The following SORCS1 variants were observed in gnomAD, a reference collection of about 807,000 sequenced individuals.
SORCS1 encodes sortilin related VPS10 domain containing receptor 1, also known as VPS10 domain-containing receptor SorCS1.
Under a neutral mutation model 146.1 loss-of-function variants are expected in SORCS1, and 60 were observed. The observed-to-expected ratio is 0.41, with a 90% CI of 0.33 to 0.51. The LOEUF is 0.51. SORCS1 is among the 20% of genes least tolerant of loss of function. The pLI, the probability that SORCS1 is intolerant of heterozygous loss-of-function variation, is 0.21. For synonymous variants in SORCS1, 637 were observed against 584.0 expected, an observed-to-expected ratio of 1.09 and a Z score of -1.31; for missense variants, 1,352 against 1,487.6, an observed-to-expected ratio of 0.91 and a Z score of 1.50.
intron 2 of SORCS1, among the ~76,000 whole-genome samples, chr10:106,910,443 C>A (rs1278632390): frequency 2.0e-5 from 3 of 152,126 alleles, no homozygotes; most frequent in Non-Finnish European, 4.4e-5. Context: ...AGGTGCTCAT[C>A]TGGCACCTGG....
rs1852652308 is a variant in SORCS1 at position 106,684,262 on chromosome 10, CA to C, written c.1560+3929del. Among the ~76,000 whole-genome samples, 3 of 152,148 alleles carry C rather than the reference CA, an allele frequency of 2.0e-5. No individual in the cohort carries two copies. In the South Asian group the frequency reaches 6.2e-4, roughly 32 times the overall value. ...CCAAGGCAGGAGAATCACTTGAATC[CA>C]GGAGGCAGAGGTTGCAGTGAGCCGA... On this transcript the variant is annotated intron_variant, in intron 10 of 25. Coordinates refer to ENST00000263054, the MANE Select transcript of SORCS1 (RefSeq NM_052918.5).
intron 8 of SORCS1, among the ~76,000 whole-genome samples, chr10:106,705,275 G>A (rs1289027322): frequency 6.6e-6 from 1 of 152,176 alleles, no homozygotes; most frequent in African/African-American, 2.4e-5. Context: ...AACTCAGTGT[G>A]TGTTATTACC....
chr10:106,702,768 G>A (rs190074472), intron 8 of SORCS1, among the ~76,000 whole-genome samples: 25 of 152,038 alleles, frequency 1.6e-4, no homozygotes, highest in African/African-American at 5.3e-4. Flanking sequence ...GGAGAAATGC[G>A]CTTTTTCTCC....
chr10:107,008,615 G>C (rs907842101), intron 1 of SORCS1, among the ~76,000 whole-genome samples: 9 of 152,290 alleles, frequency 5.9e-5, no homozygotes, highest in Admixed American at 3.3e-4. Context: ...TTTCAGAGAT[G>C]GAGCTAAGAA....
intron 21 of SORCS1, among the ~76,000 whole-genome samples, chr10:106,615,103 T>C (rs1761134297): frequency 6.6e-6 from 1 of 152,204 alleles, no homozygotes; most frequent in African/African-American, 2.4e-5. Context: ...TTTCTGTTTC[T>C]TCCTGACTGT....
Position 106,853,943 on chromosome 10 carries a change from T to C in SORCS1, c.627-24270A>G, listed in dbSNP as rs562451015. 1.3e-4 allele frequency among the ~76,000 whole-genome samples: 20 copies of C among 152,136 alleles called. No homozygotes were observed. In the South Asian group the frequency reaches 3.7e-3, roughly 28 times the overall value. Reference sequence around the variant, plus strand: ...TGTAATCTGTTGGTGTTAGGTGATATTGTCTAGAGATATCAATTTTACCCT... The same window carrying C: ...TGTAATCTGTTGGTGTTAGGTGATACTGTCTAGAGATATCAATTTTACCCT... On this transcript the variant is annotated intron_variant, in intron 2 of 25. Transcript: ENST00000263054.
At chr10:106,753,735 G>A (rs1858432536) in intron 5 of SORCS1, among the ~76,000 whole-genome samples, 3 of 151,796 alleles carry the variant, frequency 2.0e-5, no homozygotes, top group Non-Finnish European at 4.4e-5. Context: ...CAGTGGATAT[G>A]GATAAAGTAT....
At chr10:107,017,043 C>G (rs1395669010) in intron 1 of SORCS1, among the ~76,000 whole-genome samples, 1 of 152,222 alleles carries the variant, frequency 6.6e-6, no homozygotes, top group African/African-American at 2.4e-5. Context: ...CACTGGAACT[C>G]TCCTACATGG....
chr10:107,145,625 C>T lies in SORCS1; in HGVS notation c.558+18344G>A, dbSNP rs191484705. On this transcript the variant is annotated intron_variant, in intron 1 of 25. Transcript: ENST00000263054. ...AAGCAGGTCTAAAAATAATAAAGTC[C>T]ATTAAAAATACAAACAAGTTGGCTA... Among the ~76,000 whole-genome samples the T allele has an allele frequency of 1.8e-4, 28 of 152,198 alleles. No individual in the cohort carries two copies. The East Asian group carries it at 4.4e-3, about 24-fold the overall frequency.
At chr10:106,958,890 C>G (rs1955090694) in intron 1 of SORCS1, among the ~76,000 whole-genome samples, 1 of 152,212 alleles carries the variant, frequency 6.6e-6, no homozygotes, top group African/African-American at 2.4e-5. Flanking sequence ...GATGTTCCTA[C>G]TCCACCTCAG....
intron 18 of SORCS1, among the ~76,000 whole-genome samples, chr10:106,637,694 C>T (rs1848809345): frequency 6.6e-6 from 1 of 152,136 alleles, no homozygotes. Context: ...AATCATCTGC[C>T]TAGATTTATG....
In SORCS1 at chr10:106,667,871, T is replaced by C. The variant is rs1851287064; in HGVS notation, c.2190-69A>G. 7.5e-6 allele frequency: 8 copies of C among 1,063,088 alleles called. No individual in the cohort carries two copies. In the South Asian group the frequency reaches 1.1e-4, roughly 14 times the overall value. 65.9% of individuals were successfully genotyped at this position (1,063,088 alleles called of 1,614,324 possible). ...ATTACTGAAAACAATTCTACATCAG[T>C]CCACAGCCAAGTTCCACACTAATCA... On this transcript the variant is annotated intron_variant, in intron 16 of 25. Transcript: ENST00000263054.
In SORCS1 at chr10:106,998,751, T is replaced by G. The variant is rs538426656; in HGVS notation, c.559-42171A>C. 8.5e-5 allele frequency among the ~76,000 whole-genome samples: 13 copies of G among 152,310 alleles called. No individual in the cohort carries two copies. In the South Asian group the frequency reaches 2.7e-3, roughly 32 times the overall value. On this transcript the variant is annotated intron_variant, in intron 1 of 25. Coordinates refer to ENST00000263054, the MANE Select transcript of SORCS1 (RefSeq NM_052918.5). Reference sequence around the variant, plus strand: ...CCACATACACACACCAATACCTCATTTTAAAAAACTGGTGGTTATATCTCC... The same window carrying G: ...CCACATACACACACCAATACCTCATGTTAAAAAACTGGTGGTTATATCTCC...
chr10:106,623,873 G>A (rs1214094618), intron 19 of SORCS1, among the ~76,000 whole-genome samples: 1 of 150,236 alleles, frequency 6.7e-6, no homozygotes, highest in African/African-American at 2.4e-5. Context: ...TAGTAGGTAC[G>A]GACTTTCACC....
intron 2 of SORCS1, among the ~76,000 whole-genome samples, chr10:106,834,399 A>G (rs778575727): frequency 6.6e-6 from 1 of 152,244 alleles, no homozygotes; most frequent in Non-Finnish European, 1.5e-5. Context: ...TTCACAAACT[A>G]TATTATTCTA....
intron 1 of SORCS1, among the ~76,000 whole-genome samples, chr10:106,972,705 G>C (rs1955838096): frequency 6.6e-6 from 1 of 152,000 alleles, no homozygotes; most frequent in Non-Finnish European, 1.5e-5. Flanking sequence ...CAAGCTGAAA[G>C]GTTTGAGTTG....
chr10:107,035,076 A>G (rs1958836350), intron 1 of SORCS1, among the ~76,000 whole-genome samples: 2 of 152,102 alleles, frequency 1.3e-5, no homozygotes, highest in Admixed American at 6.6e-5. Flanking sequence ...CATCTGTAAT[A>G]TAAAAAAGCT....
intron 2 of SORCS1, among the ~76,000 whole-genome samples, chr10:106,853,568 A>AT (rs1399695883): frequency 6.6e-6 from 1 of 151,272 alleles, no homozygotes; most frequent in African/African-American, 2.4e-5. Flanking sequence ...TTGATTTCAT[A>AT]TTTTTTCTTT....
intron 22 of SORCS1, 59 bp from the exon 23 acceptor site, chr10:106,607,356 C>T: frequency 1.9e-6 from 3 of 1,598,010 alleles, no homozygotes; most frequent in Non-Finnish European, 2.6e-6. Context: ...TGAGAAGGGA[C>T]CAAGTATTTG....
Sources: gnomAD v4.1 joint callset for allele counts (sites outside exome capture counted in the v4.1 genomes callset) on GRCh38, gnomAD v4.1.1 for gene constraint, MANE v1.5 for transcripts, NCBI Gene and HGNC (gene_info 2026-07-23, HGNC 2026-07-21) for gene names.